The following GABRA3 variants were observed in gnomAD, a reference collection of about 807,000 sequenced individuals.
GABRA3 encodes gamma-aminobutyric acid receptor subunit alpha-3.
A neutral mutation model predicts 30.1 loss-of-function variants in GABRA3; 10 were observed. The observed-to-expected ratio is 0.33, with a 90% CI of 0.20 to 0.56. The LOEUF (loss-of-function observed/expected upper bound fraction) is 0.56, where lower values mean the gene tolerates loss of function less well. Among genes scored for constraint, GABRA3 ranks in the 20% least tolerant of loss-of-function variants. The probability of loss-of-function intolerance (pLI) is 0.89; values close to 1 mark genes in which losing one functional copy is unlikely to be tolerated. For synonymous variants in GABRA3, 151 were observed against 146.8 expected, an observed-to-expected ratio of 1.03 and a Z score of -0.21; for missense variants, 233 against 392.0, an observed-to-expected ratio of 0.59 and a Z score of 3.42.
At chrX:152,322,414 TGTGG>T (rs1270721226) in intron 3 of GABRA3, among the ~76,000 whole-genome samples, 10 of 112,092 alleles carry the variant, frequency 8.9e-5, no homozygotes, top group African/African-American at 3.2e-4. Flanking sequence ...AGACAGAAGT[TGTGG>T]TAGCCTAACA....
At chrX:152,424,928 C>CTTTT (rs747255822) in intron 1 of GABRA3, among the ~76,000 whole-genome samples, 70 of 42,248 alleles carry the variant, frequency 1.7e-3, no homozygotes, top group African/African-American at 5.9e-3. Flanking sequence ...TTTTTCTTTT[C>CTTTT]TTTTTTTTTT....
chrX:152,405,164 G>A (rs1216140355), intron 1 of GABRA3, among the ~76,000 whole-genome samples: 1 of 108,349 alleles, frequency 9.2e-6, no homozygotes, highest in Non-Finnish European at 1.9e-5. Flanking sequence ...TGTGCTTGGA[G>A]GAGGGAGAGC....
intron 1 of GABRA3, among the ~76,000 whole-genome samples, chrX:152,417,437 T>C (rs1237233841): frequency 1.8e-5 from 2 of 110,066 alleles, no homozygotes; most frequent in South Asian, 4.0e-4. Context: ...GGACTGTAAA[T>C]TAGTTCAACC....
chrX:152,345,532 G>A (rs1940377997), intron 3 of GABRA3, 49 bp downstream of exon 3: 2 of 1,168,933 alleles, frequency 1.7e-6, no homozygotes, highest in Non-Finnish European at 2.3e-6. Context: ...GATAACAATG[G>A]CCAAGAAGAA....
chrX:152,207,630 A>C (rs762032618), intron 7 of GABRA3, among the ~76,000 whole-genome samples: 2 of 111,943 alleles, frequency 1.8e-5, no homozygotes, highest in Non-Finnish European at 3.8e-5. Flanking sequence ...TGAGTTAAGC[A>C]ATTATTTTAA....
chrX:152,211,995 C>T (rs5970225), intron 6 of GABRA3, among the ~76,000 whole-genome samples: 4,987 of 109,589 alleles, frequency 0.046, 291 homozygotes, highest in African/African-American at 0.16. Flanking sequence ...ATAAAATATC[C>T]AAGTTAGTCT....
intron 7 of GABRA3, among the ~76,000 whole-genome samples, chrX:152,204,833 G>A (rs1461129366): frequency 1.8e-5 from 2 of 111,972 alleles, no homozygotes; most frequent in African/African-American, 3.2e-5. Flanking sequence ...GAGGCTGGAA[G>A]TCTGATACTG....
intron 3 of GABRA3, among the ~76,000 whole-genome samples, chrX:152,311,442 A>G (rs1939797757): frequency 8.9e-6 from 1 of 112,407 alleles, no homozygotes. Context: ...CATAGAAATA[A>G]AAACAAAAAC....
chrX:152,231,772 A>G (rs1203344509), intron 5 of GABRA3, among the ~76,000 whole-genome samples: 2 of 112,009 alleles, frequency 1.8e-5, no homozygotes, highest in Admixed American at 1.9e-4. Flanking sequence ...CCAAATGTCC[A>G]TTATTGTGAC....
chrX:152,357,556 T>TTTC (rs1940569776), intron 2 of GABRA3, among the ~76,000 whole-genome samples: 1 of 111,721 alleles, frequency 9.0e-6, no homozygotes, highest in African/African-American at 3.3e-5. Context: ...TTACAAATAT[T>TTTC]TTCTTCCATT....
At chrX:152,272,815 T>G (rs1310242195) in intron 4 of GABRA3, among the ~76,000 whole-genome samples, 2 of 111,225 alleles carry the variant, frequency 1.8e-5, no homozygotes, top group Non-Finnish European at 3.8e-5. Flanking sequence ...CTCATGAGAT[T>G]TGATGGTTTT....
intron 2 of GABRA3, among the ~76,000 whole-genome samples, chrX:152,346,014 C>T (rs1011206035): frequency 6.3e-5 from 7 of 111,386 alleles, no homozygotes; most frequent in African/African-American, 2.3e-4. Flanking sequence ...GAACATTTCC[C>T]GGCATACAGT....
intron 1 of GABRA3, among the ~76,000 whole-genome samples, chrX:152,368,078 G>C (rs1000641003): frequency 2.7e-5 from 3 of 111,979 alleles, no homozygotes; most frequent in Non-Finnish European, 5.6e-5. Flanking sequence ...AAAGTGGGCA[G>C]AGGGAACTTT....
At chrX:152,419,302 A>G (rs1219465907) in intron 1 of GABRA3, among the ~76,000 whole-genome samples, 3 of 111,528 alleles carry the variant, frequency 2.7e-5, no homozygotes, top group Non-Finnish European at 5.7e-5. Flanking sequence ...ACAAAATAAA[A>G]TAAAAAATAA....
intron 6 of GABRA3, among the ~76,000 whole-genome samples, chrX:152,215,310 C>T (rs1338029185): frequency 9.1e-6 from 1 of 109,778 alleles, no homozygotes; most frequent in Non-Finnish European, 1.9e-5. Flanking sequence ...TCATATATGG[C>T]CTTTATTGTG....
intron 1 of GABRA3, among the ~76,000 whole-genome samples, chrX:152,403,005 T>C (rs1929833279): frequency 9.0e-6 from 1 of 111,475 alleles, no homozygotes; most frequent in Non-Finnish European, 1.9e-5. Flanking sequence ...TAAGAAGAAA[T>C]AGGATGGACA....
At chrX:152,181,920 A>C (rs1309271621) in intron 9 of GABRA3, among the ~76,000 whole-genome samples, 1 of 110,787 alleles carries the variant, frequency 9.0e-6, no homozygotes, top group Non-Finnish European at 1.9e-5. Context: ...CTCTTGTTGA[A>C]TTGCTCTGGA....
intron 1 of GABRA3, among the ~76,000 whole-genome samples, chrX:152,366,762 A>G (rs1928671823): frequency 8.9e-6 from 1 of 112,027 alleles, no homozygotes; most frequent in Admixed American, 9.5e-5. Context: ...TGGTACATCA[A>G]TTCTTAACCA....
At chrX:152,212,237 T>C (rs1239591237) in intron 6 of GABRA3, among the ~76,000 whole-genome samples, 1 of 88,445 alleles carries the variant, frequency 1.1e-5, no homozygotes, top group East Asian at 3.6e-4. Flanking sequence ...TGAGCTGTGA[T>C]TGAACCACTG....
Sources: gnomAD v4.1 joint callset for allele counts (sites outside exome capture counted in the v4.1 genomes callset) on GRCh38, gnomAD v4.1.1 for gene constraint, MANE v1.5 for transcripts, NCBI Gene and HGNC (gene_info 2026-07-23, HGNC 2026-07-21) for gene names.